Variants in SLC15A3 observed in about 807,000 individuals in gnomAD.
SLC15A3 encodes solute carrier family 15 member 3, also known as osteoclast transporter.
Under a neutral mutation model 49.2 loss-of-function variants are expected in SLC15A3, and 39 were observed. The ratio of observed to expected loss-of-function variants is 0.79; its 90% CI spans 0.61 to 1.04. The LOEUF is 1.04. SLC15A3 is among the 50% of genes least tolerant of loss of function. The pLI is 0.00. For synonymous variants in SLC15A3, 339 were observed against 367.0 expected, an observed-to-expected ratio of 0.92 and a Z score of 0.87; for missense variants, 758 against 794.8, an observed-to-expected ratio of 0.95 and a Z score of 0.56.
intron 2 of SLC15A3, among the ~76,000 whole-genome samples, chr11:60,944,668 C>A (rs1048722157): frequency 2.0e-5 from 3 of 152,086 alleles, no homozygotes; most frequent in African/African-American, 7.2e-5. Flanking sequence ...GAGAGAGACG[C>A]TGTCACAGAT....
intron 1 of SLC15A3, among the ~76,000 whole-genome samples, chr11:60,950,572 G>T (rs1856896218): frequency 6.6e-6 from 1 of 151,726 alleles, no homozygotes. Flanking sequence ...TGGATCACCT[G>T]AGGTCAGGAG....
intron 1 of SLC15A3, among the ~76,000 whole-genome samples, chr11:60,948,434 G>A (rs959064134): frequency 6.6e-6 from 1 of 152,222 alleles, no homozygotes; most frequent in African/African-American, 2.4e-5. Context: ...CGAGAGTGAT[G>A]GATGGCCCTT....
chr11:60,941,604 T>G, intron 4 of SLC15A3: 1 of 352,252 alleles, frequency 2.8e-6, no homozygotes, highest in Non-Finnish European at 5.1e-6. Context: ...AATGGCAAAT[T>G]TCTCATATAT....
In SLC15A3 at chr11:60,938,036, G is replaced by T; in HGVS notation, c.1436-11C>A. 1 of 1,612,946 alleles carries T rather than the reference G, an allele frequency of 6.2e-7. No homozygotes were observed. The highest frequency in any genetic ancestry group is 8.5e-7 in the Non-Finnish European group (1 of 1,179,610). On this transcript the variant is annotated splice_polypyrimidine_tract_variant and intron_variant, in intron 6 of 7. Transcript: ENST00000227880. ...AGGCAAACTCCAGGCCTGCAGAGGG[G>T]GAGCAGAGACGATCTCAGGGGCTGG...
chr11:60,947,110 G>C (rs1856815643), intron 1 of SLC15A3, among the ~76,000 whole-genome samples: 1 of 32,534 alleles, frequency 3.1e-5, no homozygotes, highest in Non-Finnish European at 9.4e-5. Flanking sequence ...ACATACAACA[G>C]ATGTCTCAGA....
chr11:60,946,782 T>C lies in SLC15A3; in HGVS notation c.598A>G (p.Asn200Asp). ...LGRDATRRFF[N>D]WFYWSINLGA... Reference sequence around the variant, plus strand: ...AGGTTGATGCTCCAGTAAAACCAGTTGAAGAAGCGGCGGGTGGCGTCGCGG... The same window carrying C: ...AGGTTGATGCTCCAGTAAAACCAGTCGAAGAAGCGGCGGGTGGCGTCGCGG... The change falls in exon 2 of 8, where the codon AAC becomes GAC. Residue 200 changes from asparagine to aspartate, a missense_variant. This residue lies in a region of SLC15A3 where 699 missense variants were observed against 706.7 expected (regional missense o/e 0.99). Transcript: ENST00000227880. 6.2e-7 allele frequency: 1 copy of C among 1,613,782 alleles called. No homozygotes were observed. Among genetic ancestry groups the C allele is most frequent in the East Asian group, 2.2e-5 (1 of 44,884 alleles).
At chr11:60,944,696 C>A (rs1196673183) in intron 2 of SLC15A3, among the ~76,000 whole-genome samples, 1 of 152,062 alleles carries the variant, frequency 6.6e-6, no homozygotes, top group South Asian at 2.1e-4. Context: ...ACCAAAATTC[C>A]CCCCCCTTGC....
intron 4 of SLC15A3, 103 bp from the exon 5 acceptor site, chr11:60,941,393 C>A (rs1856706732): frequency 8.3e-7 from 1 of 1,207,788 alleles, no homozygotes; most frequent in Middle Eastern, 2.2e-4. Context: ...ACCCTGGGGT[C>A]CAGCTCCTTT....
intron 4 of SLC15A3, 73 bp from the exon 5 acceptor site, chr11:60,941,363 C>T: frequency 1.3e-6 from 2 of 1,490,328 alleles, no homozygotes; most frequent in South Asian, 1.3e-5. Flanking sequence ...GAGACCTGGA[C>T]TCTAGACTGG....
At chr11:60,949,294 A>G (rs1856851005) in intron 1 of SLC15A3, among the ~76,000 whole-genome samples, 1 of 151,714 alleles carries the variant, frequency 6.6e-6, no homozygotes, top group Admixed American at 6.6e-5. Flanking sequence ...CTGAGATCGC[A>G]CCTCTGCACT....
chr11:60,951,475 C>T lies in SLC15A3; in HGVS notation c.77G>A (p.Gly26Asp). 1.5e-6 allele frequency: 2 copies of T among 1,329,888 alleles called. No individual in the cohort carries two copies. The highest frequency in any genetic ancestry group is 1.9e-6 in the Non-Finnish European group (2 of 1,036,982). 82.4% of individuals were successfully genotyped at this position (1,329,888 alleles called of 1,614,324 possible). A position where few individuals can be genotyped will look rare whatever the true frequency, so the allele number is the denominator to read the frequency against. Reference sequence around the variant, plus strand: ...CGCCGCCCGCCGCCACCGTCGAGGGCCCCGCGCACCGCGAGGCAGCAGCGG... The same window carrying T: ...CGCCGCCCGCCGCCACCGTCGAGGGTCCCGCGCACCGCGAGGCAGCAGCGG... Reference protein sequence around the residue: ...RQPLLPRGARGPRRWRRAAGA... With the variant: ...RQPLLPRGARDPRRWRRAAGA... The change falls in exon 1 of 8, where the codon GGC becomes GAC. Residue 26 changes from glycine (G) to aspartate (D), a missense_variant. Around this residue, in one of 3 missense-constraint regions of SLC15A3, gnomAD observed 31 missense variants for 58.4 expected, o/e 0.53. Coordinates refer to ENST00000227880, the MANE Select transcript of SLC15A3 (RefSeq NM_016582.3).
Position 60,951,248 on chromosome 11 carries a change from G to C in SLC15A3, c.304C>G (p.Arg102Gly). ...AGCAGCAGGCTGAGCGCGACCGCGC[G>C]GTAGCGGCCCAGGTACACGTCGGCC... ...WLADVYLGRY[R>G]AVALSLLLYL... Residue 102 changes from arginine to glycine, a missense_variant, in exon 1 of 8, where the codon CGC (arginine) becomes GGC (glycine). This residue lies in a region of SLC15A3 where 699 missense variants were observed against 706.7 expected (regional missense o/e 0.99). Coordinates refer to ENST00000227880, the MANE Select transcript of SLC15A3 (RefSeq NM_016582.3). 6.6e-7 allele frequency: 1 copy of C among 1,514,234 alleles called. No homozygotes were observed. The highest frequency in any genetic ancestry group is 1.2e-5 in the South Asian group (1 of 81,034). 93.8% of individuals were successfully genotyped at this position (1,514,234 alleles called of 1,614,324 possible).
intron 1 of SLC15A3, 132 bp downstream of exon 1, chr11:60,950,862 G>A (rs1203686690): frequency 3.1e-6 from 3 of 974,276 alleles, no homozygotes; most frequent in Non-Finnish European, 4.2e-6. Context: ...GCAAGGGCTA[G>A]CCCCCCTCTT....
intron 1 of SLC15A3, among the ~76,000 whole-genome samples, chr11:60,948,268 C>T (rs529152260): frequency 6.6e-6 from 1 of 152,320 alleles, no homozygotes; most frequent in South Asian, 2.1e-4. Flanking sequence ...TCGCTCTAGA[C>T]TTTCAAGCAG....
At position 60,951,160 on chromosome 11, in the gene SLC15A3, C is replaced by A; in HGVS notation, c.392G>T (p.Cys131Phe). 1 of 1,492,394 alleles carries A rather than the reference C, an allele frequency of 6.7e-7. No homozygotes were observed. Among genetic ancestry groups the A allele is most frequent in the East Asian group, 2.8e-5 (1 of 36,318 alleles). The allele number at this position is 1,492,394 out of a possible 1,614,324, so 92.4% of individuals were successfully genotyped here. ...TAFPDGRSSF[C>F]GEMPASPLGP... ...CAGCGGCGACGCGGGCATCTCTCCG[C>A]AGAAGGAGCTGCGGCCGTCGGGGAA... Residue 131 changes from cysteine to phenylalanine, a missense_variant, in exon 1 of 8, where the codon TGC becomes TTC. By Grantham distance (205) the Cys-to-Phe change is radical. Coordinates refer to ENST00000227880, the MANE Select transcript of SLC15A3 (RefSeq NM_016582.3).
At chr11:60,946,024 G>A (rs1856796098) in intron 2 of SLC15A3, among the ~76,000 whole-genome samples, 1 of 149,724 alleles carries the variant, frequency 6.7e-6, no homozygotes, top group African/African-American at 2.5e-5. Context: ...TTTTTTTCCT[G>A]TTCTGTCACC....
chr11:60,940,805 A>T (rs1218106267), intron 5 of SLC15A3: 1 of 197,678 alleles, frequency 5.1e-6, no homozygotes, highest in African/African-American at 2.3e-5. Flanking sequence ...CATTCAACAC[A>T]TTTATGGAGG....
chr11:60,948,921 A>G (rs1856844369), intron 1 of SLC15A3, among the ~76,000 whole-genome samples: 3 of 152,202 alleles, frequency 2.0e-5, no homozygotes, highest in Non-Finnish European at 4.4e-5. Flanking sequence ...GGTTAAGGGT[A>G]CTGGGTTGGG....
chr11:60,951,303 G>A lies in SLC15A3; in HGVS notation c.249C>T (p.Ser83=). The change falls in exon 1 of 8, where the codon TCC becomes TCT. Residue 83 remains serine, a synonymous_variant. Transcript: ENST00000227880. ...TRAALVFLGA[S]YLLAPVGGWL... ...AGCCGCCCACGGGCGCCAGCAGGTAGGAGGCGCCCAGGAATACCAGCGCGG... is the reference window on the plus strand; with the variant it reads ...AGCCGCCCACGGGCGCCAGCAGGTAAGAGGCGCCCAGGAATACCAGCGCGG... 1 of 1,527,016 alleles carries A rather than the reference G, an allele frequency of 6.5e-7. No homozygotes were observed. The highest frequency in any genetic ancestry group is 2.0e-5 in the Admixed American group (1 of 48,806). The allele number at this position is 1,527,016 out of a possible 1,614,324, so 94.6% of individuals were successfully genotyped here.
Sources: allele counts gnomAD v4.1 joint callset (sites outside exome capture counted in the v4.1 genomes callset), GRCh38; gene constraint gnomAD v4.1.1; regional missense constraint gnomAD v4.1.1; transcripts MANE v1.5; gene names NCBI Gene and HGNC (gene_info 2026-07-23, HGNC 2026-07-21).